WNT2: variants seen among roughly 807,000 people sequenced by gnomAD.
WNT2 encodes Wnt family member 2.
WNT2 carries 12 observed loss-of-function variants against 36.9 expected under a neutral mutation model. The ratio of observed to expected loss-of-function variants is 0.33; its 90% CI spans 0.21 to 0.53. WNT2 has a LOEUF of 0.53. Among genes scored for constraint, WNT2 ranks in the 20% least tolerant of loss-of-function variants. WNT2 has a pLI of 0.95. For synonymous variants in WNT2, 163 were observed against 174.6 expected (o/e 0.93, Z 0.52); for missense variants, 379 against 473.1 (o/e 0.80, Z 1.84).
At chr7:117,307,368 C>G (rs1354068954) in intron 3 of WNT2, among the ~76,000 whole-genome samples, 1 of 152,058 alleles carries the variant, frequency 6.6e-6, no homozygotes, top group Non-Finnish European at 1.5e-5. Context: ...TTGAAACACC[C>G]AGGAGTAGAG....
At chr7:117,294,933 A>C (rs1794760371) in intron 4 of WNT2, among the ~76,000 whole-genome samples, 1 of 152,224 alleles carries the variant, frequency 6.6e-6, no homozygotes, top group African/African-American at 2.4e-5. Context: ...TCTACTAAAA[A>C]TACAAAAATT....
At chr7:117,312,479 A>G (rs983340017) in intron 3 of WNT2, among the ~76,000 whole-genome samples, 7 of 152,230 alleles carry the variant, frequency 4.6e-5, no homozygotes, top group Non-Finnish European at 7.3e-5. Context: ...TTTTGCATGT[A>G]ATTTACCTAA....
In WNT2 at chr7:117,278,431, C is replaced by A. The variant is rs1563196826; in HGVS notation, c.854-47G>T. The A allele has an allele frequency of 1.9e-6, 3 of 1,555,030 alleles. No homozygotes were observed. The African/African-American group carries it at 4.1e-5, about 21-fold the overall frequency. On this transcript the variant is annotated intron_variant, in intron 4 of 4. Transcript: ENST00000265441. ...GTTACTGAAAAGGTCTGGGTGGAAT[C>A]CAATATGCCTCCAGAGGAGGAGTCA...
Position 117,275,625 on chromosome 7 carries a change from T to A in WNT2, c.*2530A>T, listed in dbSNP as rs1447909305. On this transcript the variant is annotated 3_prime_UTR_variant, in exon 5 of 5. Transcript: ENST00000265441. ...ATATATTCCCCTTAAAAGCCTCAGA[T>A]AATTGAGAGTTTCAGTGTATTTCAG... Among the ~76,000 whole-genome samples the A allele has an allele frequency of 6.6e-6, 1 of 152,202 alleles. No individual in the cohort carries two copies. Among genetic ancestry groups the A allele is most frequent in the Non-Finnish European group, 1.5e-5 (1 of 68,032 alleles).
intron 3 of WNT2, among the ~76,000 whole-genome samples, chr7:117,314,276 C>T (rs998836922): frequency 5.9e-5 from 9 of 152,226 alleles, no homozygotes; most frequent in Non-Finnish European, 1.2e-4. Context: ...TACCAAAAGA[C>T]ATGGGTCATC....
intron 3 of WNT2, among the ~76,000 whole-genome samples, chr7:117,305,442 C>A (rs1794996394): frequency 6.6e-6 from 1 of 152,020 alleles, no homozygotes. Context: ...GTTCTTTTAT[C>A]CTTGAATTAC....
In WNT2 at chr7:117,276,515, A is replaced by G. The variant is rs1211307569; in HGVS notation, c.*1640T>C. On this transcript the variant is annotated 3_prime_UTR_variant, in exon 5 of 5. Coordinates refer to ENST00000265441, the MANE Select transcript of WNT2 (RefSeq NM_003391.3). The stretch of plus-strand genomic sequence containing the variant: ...AAAGGGGATGAATTCTGACATTTTT[A>G]AGAGGGCTGGAGGCAAATGTTAACT... The G allele has an allele frequency of 1.3e-5, 2 of 152,182 alleles. No homozygotes were observed. The highest frequency in any genetic ancestry group is 2.9e-5 in the Non-Finnish European group (2 of 68,030). The allele number at this position is 152,182 out of a possible 1,614,324, so 9.4% of individuals were successfully genotyped here.
intron 4 of WNT2, among the ~76,000 whole-genome samples, chr7:117,280,832 A>C (rs943715389): frequency 1.3e-5 from 2 of 152,268 alleles, no homozygotes; most frequent in Non-Finnish European, 2.9e-5. Flanking sequence ...AACTATCCAT[A>C]TCTTCATCTA....
At chr7:117,320,860 G>T in intron 1 of WNT2, 67 bp from the exon 2 acceptor site, 1 of 1,363,510 alleles carries the variant, frequency 7.3e-7, no homozygotes, top group Non-Finnish European at 1.0e-6. Context: ...CAGTGTTCCT[G>T]GGAGACTAAG....
intron 2 of WNT2, among the ~76,000 whole-genome samples, chr7:117,316,409 G>A (rs1795219186): frequency 6.6e-6 from 1 of 152,156 alleles, no homozygotes; most frequent in Non-Finnish European, 1.5e-5. Context: ...AATGGTTGCT[G>A]CGGCAAATAT....
At chr7:117,288,053 G>A (rs1295818348) in intron 4 of WNT2, among the ~76,000 whole-genome samples, 1 of 152,040 alleles carries the variant, frequency 6.6e-6, no homozygotes, top group African/African-American at 2.4e-5. Flanking sequence ...ATTTCTCCAG[G>A]GACTGGTCAC....
intron 4 of WNT2, among the ~76,000 whole-genome samples, chr7:117,280,842 A>G (rs1272565058): frequency 2.0e-5 from 3 of 152,232 alleles, no homozygotes; most frequent in Non-Finnish European, 2.9e-5. Context: ...ATCTTCATCT[A>G]GCAAGTGTTT....
chr7:117,297,454 G>A (rs1490859312), intron 4 of WNT2, among the ~76,000 whole-genome samples, 158 bp downstream of exon 4: 1 of 152,152 alleles, frequency 6.6e-6, no homozygotes, highest in East Asian at 1.9e-4. Context: ...ACAGGCATGA[G>A]CCACCGCGCC....
Position 117,297,592 on chromosome 7 carries a change from A to G in WNT2, c.853+20T>C. ...TTGTTGAAAGAATTAGGTACTATAA[A>G]GAAAGTCTTTTGAACTTACCTGCCT... On this transcript the variant is annotated intron_variant, in intron 4 of 4. Transcript: ENST00000265441. 6.3e-7 allele frequency: 1 copy of G among 1,597,484 alleles called. No individual in the cohort carries two copies. The highest frequency in any genetic ancestry group is 8.6e-7 in the Non-Finnish European group (1 of 1,166,838).
intron 3 of WNT2, among the ~76,000 whole-genome samples, chr7:117,301,486 T>A (rs1285632854): frequency 6.6e-6 from 1 of 152,204 alleles, no homozygotes; most frequent in African/African-American, 2.4e-5. Flanking sequence ...TATAACATGA[T>A]AACAATAACA....
In WNT2 at chr7:117,278,279, C is replaced by A. The variant is rs747265580; in HGVS notation, c.959G>T (p.Arg320Leu). The change falls in exon 5 of 5, where the codon CGG (arginine) becomes CTG (leucine). Residue 320 changes from arginine to leucine, a missense_variant. Transcript: ENST00000265441. ...GRGYDTSHVT[R>L]MTKCGCKFHW... ...GAACTTACACCCACACTTGGTCATC[C>A]GGGTGACATGGGAGGTGTCGTAGCC... 4.3e-6 allele frequency: 7 copies of A among 1,614,092 alleles called. No homozygotes were observed. The highest frequency in any genetic ancestry group is 5.9e-6 in the Non-Finnish European group (7 of 1,180,054).
At chr7:117,317,197 A>G (rs1025701051) in intron 2 of WNT2, among the ~76,000 whole-genome samples, 7 of 152,194 alleles carry the variant, frequency 4.6e-5, no homozygotes, top group African/African-American at 1.7e-4. Flanking sequence ...GACATGGAAG[A>G]CGGGGATGAT....
At chr7:117,315,697 G>A (rs1302822037) in intron 2 of WNT2, among the ~76,000 whole-genome samples, 2 of 152,220 alleles carry the variant, frequency 1.3e-5, no homozygotes, top group Non-Finnish European at 2.9e-5. Flanking sequence ...GAAGAGAGGA[G>A]CATAGCATCT....
intron 4 of WNT2, among the ~76,000 whole-genome samples, chr7:117,290,593 G>A (rs1794671050): frequency 6.6e-6 from 1 of 152,218 alleles, no homozygotes; most frequent in Non-Finnish European, 1.5e-5. Context: ...CAAAGCAGAA[G>A]GAGATGAATA....
Sources: gnomAD v4.1 joint callset for allele counts (sites outside exome capture counted in the v4.1 genomes callset) on GRCh38, gnomAD v4.1.1 for gene constraint, MANE v1.5 for transcripts, NCBI Gene and HGNC (gene_info 2026-07-23, HGNC 2026-07-21) for gene names.